Variants in GUCY1B1 observed in about 807,000 individuals in gnomAD.
GUCY1B1 encodes guanylate cyclase 1 soluble subunit beta 1.
In GUCY1B1, 43 loss-of-function variants were observed where a neutral mutation model predicts 71.0. That is an observed-to-expected ratio of 0.61 (90% CI 0.47 to 0.78). The LOEUF is 0.78. GUCY1B1 is among the 30% of genes least tolerant of loss of function. The probability of loss-of-function intolerance (pLI) is 0.00; values close to 1 mark genes in which losing one functional copy is unlikely to be tolerated. For synonymous variants in GUCY1B1, 266 were observed against 259.7 expected, an observed-to-expected ratio of 1.02 and a Z score of -0.23; for missense variants, 535 against 754.1, an observed-to-expected ratio of 0.71 and a Z score of 3.40.
chr4:155,799,937 T>C lies in GUCY1B1; in HGVS notation c.1038T>C (p.His346=). 3 of 1,613,174 alleles carry C rather than the reference T, an allele frequency of 1.9e-6. No homozygotes were observed. The highest frequency in any genetic ancestry group is 2.5e-6 in the Non-Finnish European group (3 of 1,179,216). Residue 346 remains histidine, a synonymous_variant, in exon 9 of 14, where the codon CAT becomes CAC. Coordinates refer to ENST00000264424, the MANE Select transcript of GUCY1B1 (RefSeq NM_000857.5). ...RGLYLSDIPL[H]DATRDLVLLG... is the part of the protein sequence containing the mutation. Reference sequence around the variant, plus strand: ...TGTATCTAAGTGACATCCCTCTGCATGATGCCACGCGCGATCTTGTTCTTT... The same window carrying C: ...TGTATCTAAGTGACATCCCTCTGCACGATGCCACGCGCGATCTTGTTCTTT...
At chr4:155,781,224 T>C (rs1738394644) in intron 4 of GUCY1B1, among the ~76,000 whole-genome samples, 1 of 152,190 alleles carries the variant, frequency 6.6e-6, no homozygotes, top group African/African-American at 2.4e-5. Context: ...GAAGTATATG[T>C]GTCTTTATAA....
intron 2 of GUCY1B1, among the ~76,000 whole-genome samples, chr4:155,760,778 G>A (rs990715954): frequency 6.6e-6 from 1 of 152,162 alleles, no homozygotes; most frequent in African/African-American, 2.4e-5. Context: ...TTGTAACAAA[G>A]GTGGAAGGAA....
chr4:155,762,533 A>G (rs973471189), intron 2 of GUCY1B1, among the ~76,000 whole-genome samples: 4 of 152,230 alleles, frequency 2.6e-5, no homozygotes, highest in South Asian at 4.1e-4. Context: ...GATTCCAGAC[A>G]GCAGACAGAA....
At chr4:155,785,924 A>G (rs1231886826) in intron 4 of GUCY1B1, among the ~76,000 whole-genome samples, 1 of 152,196 alleles carries the variant, frequency 6.6e-6, no homozygotes, top group Non-Finnish European at 1.5e-5. Context: ...AGAGTTGGTT[A>G]CTGCAAAAAG....
intron 2 of GUCY1B1, among the ~76,000 whole-genome samples, chr4:155,772,116 T>C (rs1737731532): frequency 6.6e-6 from 1 of 152,226 alleles, no homozygotes; most frequent in African/African-American, 2.4e-5. Flanking sequence ...TATTACGTTT[T>C]CATAATTTTT....
chr4:155,802,523 C>G lies in GUCY1B1; in HGVS notation c.1357C>G (p.Leu453Val), dbSNP rs746232796. The G allele has an allele frequency of 6.2e-6, 10 of 1,609,778 alleles. No homozygotes were observed. Among genetic ancestry groups the G allele is most frequent in the Non-Finnish European group, 8.5e-6 (10 of 1,178,174 alleles). Residue 453 changes from leucine (L) to valine (V), a missense_variant, in exon 10 of 14, where the codon CTC (leucine) becomes GTC (valine). Physicochemically the swap from Leu to Val is conservative, Grantham distance 32. Transcript: ENST00000264424. This position sits in a 1 kb window ranked among gnomAD's most constrained non-coding sequence, Gnocchi z 4.3. ...AMKIVNLLNDLYTRFDTLTDS... is the reference protein window; with the variant it reads ...AMKIVNLLNDVYTRFDTLTDS... The stretch of plus-strand genomic sequence containing the variant: ...GAAGATCGTCAACCTCCTCAACGAC[C>G]TCTACACCAGATTTGACACACTGAC...
At position 155,800,088 on chromosome 4, in the gene GUCY1B1, G is replaced by C; in HGVS notation, c.1175+14G>C. ...AAAGACAGACACGTAAGAATGTAAC[G>C]CTTGGAGCACTACTGTTATTCATAA... On this transcript the variant is annotated intron_variant, in intron 9 of 13. Coordinates refer to ENST00000264424, the MANE Select transcript of GUCY1B1 (RefSeq NM_000857.5). 6.4e-7 allele frequency: 1 copy of C among 1,566,856 alleles called. No homozygotes were observed.
rs918320863 is a variant in GUCY1B1 at position 155,807,701 on chromosome 4, A to C, written c.*1292A>C. 6.6e-6 allele frequency: 1 copy of C among 152,052 alleles called. No individual in the cohort carries two copies. The highest frequency in any genetic ancestry group is 1.5e-5 in the Non-Finnish European group (1 of 67,990). The allele number at this position is 152,052 out of a possible 1,614,324, so 9.4% of individuals were successfully genotyped here. On this transcript the variant is annotated 3_prime_UTR_variant, in exon 14 of 14. Transcript: ENST00000264424. ...ATTTTGCCTATTTGCTACCATTATAAATTTTCACTGACTCCTCATAGACAG... is the reference window on the plus strand; with the variant it reads ...ATTTTGCCTATTTGCTACCATTATACATTTTCACTGACTCCTCATAGACAG...
chr4:155,764,876 C>T (rs1053193011), intron 2 of GUCY1B1, among the ~76,000 whole-genome samples: 4 of 152,278 alleles, frequency 2.6e-5, no homozygotes, highest in African/African-American at 9.6e-5. Flanking sequence ...GCATGGCAGG[C>T]ACCTAGGTGA....
chr4:155,776,480 G>A (rs1738055029), intron 3 of GUCY1B1, among the ~76,000 whole-genome samples: 2 of 152,198 alleles, frequency 1.3e-5, no homozygotes, highest in African/African-American at 2.4e-5. Context: ...GACCATCCTG[G>A]CCAACATGGT....
intron 8 of GUCY1B1, 75 bp from the exon 9 acceptor site, chr4:155,799,802 C>T: frequency 1.3e-6 from 1 of 768,164 alleles, no homozygotes. Flanking sequence ...GGATCAGATT[C>T]CTTGACAGAA....
At chr4:155,788,957 T>C (rs917380021) in intron 4 of GUCY1B1, among the ~76,000 whole-genome samples, 1 of 152,196 alleles carries the variant, frequency 6.6e-6, no homozygotes, top group African/African-American at 2.4e-5. Context: ...CTTCTAGTAC[T>C]CTTTACACCA....
intron 2 of GUCY1B1, chr4:155,772,770 C>A (rs1219248403): frequency 5.7e-6 from 4 of 702,316 alleles, no homozygotes; most frequent in African/African-American, 1.7e-5. Context: ...TGCTCCGGTT[C>A]ATTTAGCTGG....
At chr4:155,772,680 A>G (rs1385240467) in intron 2 of GUCY1B1, 1 of 702,144 alleles carries the variant, frequency 1.4e-6, no homozygotes, top group African/African-American at 1.7e-5. Flanking sequence ...TGGGCTTCCC[A>G]AAGTGCTGGG....
intron 8 of GUCY1B1, among the ~76,000 whole-genome samples, chr4:155,797,735 A>AAATAATAATAATAATAATAAT (rs148793772): frequency 0.036 from 5,245 of 144,912 alleles, 122 homozygotes; most frequent in South Asian, 0.062. Context: ...CACTGTCTCA[A>AAATAATAATAATAATAATAAT]AATAATAATA....
intron 2 of GUCY1B1, among the ~76,000 whole-genome samples, chr4:155,770,196 T>A (rs1654394235): frequency 2.0e-5 from 3 of 152,152 alleles, no homozygotes; most frequent in Admixed American, 6.6e-5. Flanking sequence ...CTTCCTAACT[T>A]TTCTTAAATT....
rs1187159891 is a variant in GUCY1B1 at position 155,807,689 on chromosome 4, G to T, written c.*1280G>T. On this transcript the variant is annotated 3_prime_UTR_variant, in exon 14 of 14. Coordinates refer to ENST00000264424, the MANE Select transcript of GUCY1B1 (RefSeq NM_000857.5). ...ATACATTTTACAATTTTGCCTATTT[G>T]CTACCATTATAAATTTTCACTGACT... 1 of 151,208 alleles carries T rather than the reference G, an allele frequency of 6.6e-6. No individual in the cohort carries two copies. Among genetic ancestry groups the T allele is most frequent in the South Asian group, 2.1e-4 (1 of 4,782 alleles). The allele number at this position is 151,208 out of a possible 1,614,324, so 9.4% of individuals were successfully genotyped here.
intron 5 of GUCY1B1, among the ~76,000 whole-genome samples, chr4:155,790,466 T>G (rs891308925): frequency 2.0e-5 from 3 of 152,148 alleles, no homozygotes; most frequent in African/African-American, 7.2e-5. Flanking sequence ...TACACACTCT[T>G]AGTTTTGAGT....
chr4:155,769,609 AG>A (rs1737562457), intron 2 of GUCY1B1, among the ~76,000 whole-genome samples: 1 of 152,210 alleles, frequency 6.6e-6, no homozygotes, highest in South Asian at 2.1e-4. Context: ...AATACAAACT[AG>A]GAGGCATGAA....
Sources: allele counts gnomAD v4.1 joint callset (sites outside exome capture counted in the v4.1 genomes callset), GRCh38; gene constraint gnomAD v4.1.1; non-coding constraint Gnocchi (gnomAD v3.1); transcripts MANE v1.5; gene names NCBI Gene and HGNC (gene_info 2026-07-23, HGNC 2026-07-21).